Variants in DPP10 observed in about 807,000 individuals in gnomAD.
The protein encoded by DPP10 is dipeptidyl peptidase like 10, also known as inactive dipeptidyl peptidase 10.
A neutral mutation model predicts 120.9 loss-of-function variants in DPP10; 33 were observed. The observed-to-expected ratio is 0.27, with a 90% confidence interval of 0.21 to 0.37. DPP10 has a LOEUF of 0.37. Among genes scored for constraint, DPP10 ranks in the 10% least tolerant of loss-of-function variants. The pLI is 1.00. For synonymous variants in DPP10, 337 were observed against 326.1 expected (o/e 1.03, Z -0.36); for missense variants, 816 against 942.8 (o/e 0.87, Z 1.76).
chr2:114,739,119 G>C (rs571208479), intron 1 of DPP10, among the ~76,000 whole-genome samples: 58 of 152,182 alleles, frequency 3.8e-4, no homozygotes, highest in African/African-American at 1.3e-3. Flanking sequence ...TGTCACATTT[G>C]CTAAATGGTT....
intron 5 of DPP10, among the ~76,000 whole-genome samples, chr2:115,651,625 G>A (rs1193886515): frequency 6.6e-6 from 1 of 152,032 alleles, no homozygotes; most frequent in Non-Finnish European, 1.5e-5. Context: ...GATCCATGGA[G>A]TAATATAATA....
At chr2:115,210,215 C>G (rs1045030205) in intron 1 of DPP10, among the ~76,000 whole-genome samples, 1 of 152,108 alleles carries the variant, frequency 6.6e-6, no homozygotes, top group Non-Finnish European at 1.5e-5. Context: ...GTTCCCCATC[C>G]TGTGTCCAAG....
rs1682314238 is a variant in DPP10 at position 115,777,963 on chromosome 2, A to G, written c.1361+129A>G. ...GCTAGGAAGAGCCAACTTTGCTGAC[A>G]AAGCTTCACACTCTTGCACCAGTCT... On this transcript the variant is annotated intron_variant, in intron 15 of 25. Coordinates refer to ENST00000410059, the MANE Select transcript of DPP10 (RefSeq NM_020868.6). 3 of 811,974 alleles carry G rather than the reference A, an allele frequency of 3.7e-6. No individual in the cohort carries two copies. In the African/African-American group the frequency reaches 5.1e-5, roughly 14 times the overall value. The allele number at this position is 811,974 out of a possible 1,614,324, so 50.3% of individuals were successfully genotyped here.
intron 1 of DPP10, among the ~76,000 whole-genome samples, chr2:115,265,828 C>T (rs2059438176): frequency 6.6e-6 from 1 of 151,890 alleles, no homozygotes; most frequent in South Asian, 2.1e-4. Context: ...CCTGTAGTCC[C>T]AGCTACTGGG....
At chr2:115,436,090 A>G (rs905719759) in intron 3 of DPP10, among the ~76,000 whole-genome samples, 8 of 151,866 alleles carry the variant, frequency 5.3e-5, no homozygotes, top group African/African-American at 1.9e-4. Context: ...TAATAGTGGA[A>G]ATGTTAGGTC....
At chr2:115,397,930 G>A (rs1462418509) in intron 3 of DPP10, among the ~76,000 whole-genome samples, 3 of 152,110 alleles carry the variant, frequency 2.0e-5, no homozygotes, top group African/African-American at 7.2e-5. Flanking sequence ...TCCCAAATGT[G>A]TACCCTTGGC....
At chr2:114,652,273 A>T (rs1323926869) in intron 1 of DPP10, among the ~76,000 whole-genome samples, 1 of 152,206 alleles carries the variant, frequency 6.6e-6, no homozygotes, top group Non-Finnish European at 1.5e-5. Context: ...CAGACTAAAT[A>T]TATAATTTCT....
intron 3 of DPP10, among the ~76,000 whole-genome samples, chr2:115,437,334 G>T (rs1172596515): frequency 1.3e-5 from 2 of 152,006 alleles, no homozygotes; most frequent in South Asian, 2.1e-4. Context: ...CATTAGAGAA[G>T]AAATATATTT....
chr2:114,948,646 T>A (rs1276212140), intron 1 of DPP10, among the ~76,000 whole-genome samples: 1 of 152,246 alleles, frequency 6.6e-6, no homozygotes, highest in Admixed American at 6.5e-5. Context: ...CTGACCATCC[T>A]TCTTCCTCAG....
At chr2:114,687,224 C>G (rs1409509378) in intron 1 of DPP10, among the ~76,000 whole-genome samples, 1 of 151,900 alleles carries the variant, frequency 6.6e-6, no homozygotes, top group East Asian at 1.9e-4. Context: ...CCCCATCTGA[C>G]CTTTATGGTA....
At chr2:114,811,624 C>T (rs1685180085) in intron 1 of DPP10, among the ~76,000 whole-genome samples, 1 of 151,856 alleles carries the variant, frequency 6.6e-6, no homozygotes, top group South Asian at 2.1e-4. Context: ...ACTCATCCCA[C>T]CACCCTCACC....
intron 3 of DPP10, among the ~76,000 whole-genome samples, chr2:115,440,156 CGT>C (rs146453120): frequency 1.7e-4 from 26 of 149,118 alleles, no homozygotes; most frequent in South Asian, 1.3e-3. Context: ...TGTGTGTGTG[CGT>C]GTGTGTGTGT....
At chr2:115,487,366 T>A (rs539656614) in intron 3 of DPP10, among the ~76,000 whole-genome samples, 2 of 95,264 alleles carry the variant, frequency 2.1e-5, no homozygotes, top group African/African-American at 8.7e-5. Context: ...TTCACAGAAT[T>A]GGAAAAAACT....
At chr2:115,341,295 A>C (rs1283795835) in intron 2 of DPP10, among the ~76,000 whole-genome samples, 1 of 151,962 alleles carries the variant, frequency 6.6e-6, no homozygotes, top group Non-Finnish European at 1.5e-5. Context: ...TTTCAGAGAA[A>C]TTTTATATTC....
At chr2:115,112,177 A>G (rs1235193699) in intron 1 of DPP10, among the ~76,000 whole-genome samples, 1 of 152,044 alleles carries the variant, frequency 6.6e-6, no homozygotes, top group Non-Finnish European at 1.5e-5. Flanking sequence ...CTCTTGTTAG[A>G]TAAAATCCAG....
intron 1 of DPP10, among the ~76,000 whole-genome samples, chr2:114,884,465 A>G (rs1691890943): frequency 6.6e-6 from 1 of 152,016 alleles, no homozygotes; most frequent in Admixed American, 6.6e-5. Flanking sequence ...CCTCCAGGCC[A>G]CTTCCTCCAT....
intron 3 of DPP10, among the ~76,000 whole-genome samples, chr2:115,377,937 G>T (rs1418681350): frequency 8.5e-5 from 13 of 152,174 alleles, no homozygotes; most frequent in Middle Eastern, 3.4e-3. Flanking sequence ...CCAGTACCAT[G>T]CTGTTTTGGT....
intron 1 of DPP10, among the ~76,000 whole-genome samples, chr2:114,945,800 GA>G (rs1463124582): frequency 3.9e-5 from 6 of 152,094 alleles, no homozygotes; most frequent in Admixed American, 3.9e-4. Flanking sequence ...TGGGCAACAC[GA>G]GGGAAACTCT....
At chr2:114,570,836 TAAAA>T (rs58796386) in intron 1 of DPP10, among the ~76,000 whole-genome samples, 26 of 57,830 alleles carry the variant, frequency 4.5e-4, no homozygotes, top group African/African-American at 1.3e-3. Context: ...CTGTCTCAAA[TAAAA>T]AAAAAAAAAA....
Sources: gnomAD v4.1 joint callset for allele counts (sites outside exome capture counted in the v4.1 genomes callset) on GRCh38, gnomAD v4.1.1 for gene constraint, MANE v1.5 for transcripts, NCBI Gene and HGNC (gene_info 2026-07-23, HGNC 2026-07-21) for gene names.